Variants in ABITRAM observed in about 807,000 individuals in gnomAD.
ABITRAM encodes the protein actin binding transcription modulator.
ABITRAM carries 19 observed loss-of-function variants against 22.9 expected under a neutral mutation model. The observed-to-expected ratio is 0.83, with a 90% CI of 0.58 to 1.22. The LOEUF is 1.22. ABITRAM is among the 50% of genes most tolerant of loss of function. ABITRAM has a pLI of 0.00. For synonymous variants in ABITRAM, 70 were observed against 73.9 expected, an observed-to-expected ratio of 0.95 and a Z score of 0.27; for missense variants, 215 against 220.2, an observed-to-expected ratio of 0.98 and a Z score of 0.15.
chr9:108,948,182 A>G, intron 3 of ABITRAM: 2 of 1,610,948 alleles, frequency 1.2e-6, no homozygotes, highest in South Asian at 2.2e-5. Flanking sequence ...GAAACAAGGC[A>G]TACCTCTAGT....
intron 3 of ABITRAM, among the ~76,000 whole-genome samples, chr9:108,937,649 A>C (rs796370600): frequency 6.8e-4 from 104 of 152,230 alleles, no homozygotes; most frequent in African/African-American, 2.4e-3. Flanking sequence ...AGTTACAATA[A>C]CACTTAAGAC....
chr9:108,943,651 C>A, downstream of ABITRAM: 2 of 1,484,432 alleles, frequency 1.3e-6, no homozygotes, highest in Non-Finnish European at 1.8e-6. Flanking sequence ...GAAAAAGGGG[C>A]TTTAACCAGA....
At chr9:108,941,908 TAAAG>T (rs1587936183), downstream of ABITRAM, among the ~76,000 whole-genome samples, 1 of 152,202 alleles carries the variant, frequency 6.6e-6, no homozygotes, top group Non-Finnish European at 1.5e-5. Context: ...TTAAAAAGAC[TAAAG>T]AAAGATGTTT....
In ABITRAM at chr9:108,934,463, G is replaced by A. The variant is rs757320934; in HGVS notation, c.-24G>A. The A allele has an allele frequency of 5.7e-6, 9 of 1,583,638 alleles. No homozygotes were observed. In the East Asian group the frequency reaches 1.9e-4, roughly 33 times the overall value. Reference sequence around the variant, plus strand: ...GGAAGCGCTGGGGTCCCGGAGGGCGGGGGTGGCGGCGCCGGAGGTCGCCAT... The same window carrying A: ...GGAAGCGCTGGGGTCCCGGAGGGCGAGGGTGGCGGCGCCGGAGGTCGCCAT... On this transcript the variant is annotated 5_prime_UTR_variant, in exon 1 of 6. Coordinates refer to ENST00000322940, the MANE Select transcript of ABITRAM (RefSeq NM_017832.4).
chr9:108,945,470 T>G (rs538184423), downstream of ABITRAM, among the ~76,000 whole-genome samples: 46 of 151,298 alleles, frequency 3.0e-4, no homozygotes, highest in African/African-American at 1.1e-3. Flanking sequence ...TTCCTTTTTT[T>G]TTTTTTTTTG....
Position 108,950,473 on chromosome 9 carries a change from T to G in ABITRAM, c.262-34T>G, listed in dbSNP as rs1830529044. 4 of 1,543,958 alleles carry G rather than the reference T, an allele frequency of 2.6e-6. No individual in the cohort carries two copies. The East Asian group carries it at 9.8e-5, about 38-fold the overall frequency. On this transcript the variant is annotated intron_variant, in intron 3 of 3. Coordinates refer to the ABITRAM transcript ENST00000374624. Reference sequence around the variant, plus strand: ...ATGACAGCTAAACAGCAGCAAAATTTCTAACTCCTATCATTTCTGCCTTCT... The same window carrying G: ...ATGACAGCTAAACAGCAGCAAAATTGCTAACTCCTATCATTTCTGCCTTCT...
chr9:108,938,036 T>G (rs1830210019), intron 3 of ABITRAM, among the ~76,000 whole-genome samples: 1 of 149,032 alleles, frequency 6.7e-6, no homozygotes. Flanking sequence ...CTGTTACAAG[T>G]GAAGAACAGA....
chr9:108,940,408 A>T lies in ABITRAM; in HGVS notation c.*722A>T, dbSNP rs1397911387. On this transcript the variant is annotated 3_prime_UTR_variant, in exon 6 of 6. Coordinates refer to ENST00000322940, the MANE Select transcript of ABITRAM (RefSeq NM_017832.4). ...AAAACCTAACCCACCTTTCTTACCC[A>T]GTCTTCTATAATGTGCCTACCAAAA... 1 of 152,200 alleles carries T rather than the reference A, an allele frequency of 6.6e-6. No homozygotes were observed. Among genetic ancestry groups the T allele is most frequent in the Non-Finnish European group, 1.5e-5 (1 of 68,050 alleles). The allele number at this position is 152,200 out of a possible 1,614,324, so 9.4% of individuals were successfully genotyped here.
intron 3 of ABITRAM, among the ~76,000 whole-genome samples, chr9:108,949,855 A>C (rs1830507215): frequency 6.6e-6 from 1 of 151,686 alleles, no homozygotes; most frequent in African/African-American, 2.4e-5. Context: ...AAAAAAATAA[A>C]AAATAAAGAA....
At chr9:108,943,648 G>C (rs2132073446), downstream of ABITRAM, 3 of 1,430,828 alleles carry the variant, frequency 2.1e-6, no homozygotes, top group East Asian at 4.7e-5. Flanking sequence ...GAAGAAAAAG[G>C]GGCTTTAACC....
chr9:108,941,634 G>C (rs1830256996), downstream of ABITRAM, among the ~76,000 whole-genome samples: 2 of 152,096 alleles, frequency 1.3e-5, no homozygotes, highest in Admixed American at 1.3e-4. Flanking sequence ...CATTACTGTG[G>C]TTCTTCCGGA....
intron 3 of ABITRAM, 34 bp downstream of exon 3, chr9:108,936,471 C>G (rs747079742): frequency 6.2e-7 from 1 of 1,604,270 alleles, no homozygotes; most frequent in Non-Finnish European, 8.5e-7. Flanking sequence ...TATCTACTTA[C>G]ATCCTCTATA....
intron 1 of ABITRAM, 53 bp downstream of exon 1, chr9:108,934,618 G>A: frequency 6.6e-7 from 1 of 1,513,642 alleles, no homozygotes; most frequent in East Asian, 2.5e-5. Context: ...CTAATGCTGT[G>A]TAGACTATGT....
intron 3 of ABITRAM, among the ~76,000 whole-genome samples, chr9:108,938,167 C>T (rs933742850): frequency 1.3e-5 from 2 of 152,172 alleles, no homozygotes; most frequent in African/African-American, 4.8e-5. Flanking sequence ...TGGCACAGAC[C>T]TAGCTCTTTT....
intron 3 of ABITRAM, chr9:108,948,156 G>C (rs1830458902): frequency 5.6e-6 from 9 of 1,606,564 alleles, no homozygotes; most frequent in Non-Finnish European, 7.6e-6. Context: ...CGAAATTAAA[G>C]TACTAGCATA....
chr9:108,937,627 C>T (rs149039819), intron 3 of ABITRAM, among the ~76,000 whole-genome samples: 93 of 152,206 alleles, frequency 6.1e-4, no homozygotes, highest in African/African-American at 2.2e-3. Flanking sequence ...CTCTCTTAAA[C>T]GATAGTCTAC....
rs1830236567 is a variant in ABITRAM at position 108,939,932 on chromosome 9, A to G, written c.*246A>G. 2.6e-6 allele frequency: 1 copy of G among 380,154 alleles called. No individual in the cohort carries two copies. Among genetic ancestry groups the G allele is most frequent in the South Asian group, 1.0e-4 (1 of 9,852 alleles). 23.5% of individuals were successfully genotyped at this position (380,154 alleles called of 1,614,324 possible). On this transcript the variant is annotated 3_prime_UTR_variant, in exon 6 of 6. Transcript: ENST00000322940. The stretch of plus-strand genomic sequence containing the variant: ...ACTGTTCTCTTGCATCTCTCTAACA[A>G]CTGGCATGCAAGGCATGTTTTTCTG...
At chr9:108,945,638 T>TG (rs201068159), downstream of ABITRAM, among the ~76,000 whole-genome samples, 1 of 149,074 alleles carries the variant, frequency 6.7e-6, no homozygotes, top group African/African-American at 2.6e-5. Flanking sequence ...GTTTTTTTTT[T>TG]TTTTGTTTTG....
Position 108,939,610 on chromosome 9 carries a change from C to G in ABITRAM, c.470C>G (p.Thr157Arg), listed in dbSNP as rs1382771958. Reference sequence around the variant, plus strand: ...AAATTTGAAGAAAGTAAAAGCATAACAGAAGGGTTACTGACACAAAAACAA... The same window carrying G: ...AAATTTGAAGAAAGTAAAAGCATAAGAGAAGGGTTACTGACACAAAAACAA... ...LPKFEESKSI[T>R]EGLLTQKQYE... is the part of the protein sequence containing the mutation. Residue 157 changes from threonine (T) to arginine (R), a missense_variant, in exon 6 of 6, where the codon ACA (threonine) becomes AGA (arginine). By Grantham distance (71) the Thr-to-Arg change is moderately conservative (BLOSUM62 -1). Coordinates refer to ENST00000322940, the MANE Select transcript of ABITRAM (RefSeq NM_017832.4). 6.2e-7 allele frequency: 1 copy of G among 1,613,850 alleles called. No individual in the cohort carries two copies. Among genetic ancestry groups the G allele is most frequent in the African/African-American group, 1.3e-5 (1 of 74,946 alleles).
Sources: gnomAD v4.1 joint callset for allele counts (sites outside exome capture counted in the v4.1 genomes callset) on GRCh38, gnomAD v4.1.1 for gene constraint, MANE v1.5 for transcripts, NCBI Gene and HGNC (gene_info 2026-07-23, HGNC 2026-07-21) for gene names.